RSU1: variants seen among roughly 807,000 people sequenced by gnomAD.
The protein encoded by RSU1 is rsu-1.
A neutral mutation model predicts 31.1 loss-of-function variants in RSU1; 26 were observed. The ratio of observed to expected loss-of-function variants is 0.84; its 90% CI spans 0.61 to 1.16. RSU1 has a LOEUF of 1.16. RSU1 is among the 50% of genes most tolerant of loss of function. The pLI, the probability that RSU1 is intolerant of heterozygous loss-of-function variation, is 0.00. For missense variants in RSU1, 320 were observed against 339.1 expected, an observed-to-expected ratio of 0.94 and a Z score of 0.44; for synonymous variants, 164 against 136.3, an observed-to-expected ratio of 1.20 and a Z score of -1.41.
At chr10:16,755,958 A>C (rs1391357393) in intron 4 of RSU1, among the ~76,000 whole-genome samples, 1 of 152,226 alleles carries the variant, frequency 6.6e-6, no homozygotes, top group Admixed American at 6.5e-5. Flanking sequence ...ACTGCTTTAC[A>C]CAAAAACTCA....
intron 8 of RSU1, among the ~76,000 whole-genome samples, chr10:16,594,139 A>AACC (rs1833563969): frequency 6.6e-6 from 1 of 152,250 alleles, no homozygotes; most frequent in African/African-American, 2.4e-5. Context: ...ATTCTGATTA[A>AACC]ACCAAATTAA....
At chr10:16,643,375 TAAAAAATTGGCTAG>T (rs1290285352) in intron 8 of RSU1, among the ~76,000 whole-genome samples, 3 of 152,200 alleles carry the variant, frequency 2.0e-5, no homozygotes, top group Admixed American at 2.0e-4. Context: ...GCTCATACAT[TAAAAAATTGGCTAG>T]ATTATTAACT....
intron 7 of RSU1, among the ~76,000 whole-genome samples, chr10:16,750,501 A>C (rs966246641): frequency 1.3e-5 from 2 of 152,232 alleles, no homozygotes; most frequent in African/African-American, 4.8e-5. Flanking sequence ...AAGCAAAATG[A>C]GTAAGATTTT....
chr10:16,678,465 GAT>G (rs1402964465), intron 8 of RSU1, among the ~76,000 whole-genome samples: 1 of 152,132 alleles, frequency 6.6e-6, no homozygotes, highest in Non-Finnish European at 1.5e-5. Flanking sequence ...TTTACGAGGT[GAT>G]ATCACCTTGA....
intron 4 of RSU1, among the ~76,000 whole-genome samples, chr10:16,759,888 A>G (rs528947642): frequency 7.2e-4 from 89 of 124,154 alleles, no homozygotes; most frequent in Non-Finnish European, 2.3e-4. Flanking sequence ...TGGATCACAC[A>G]TACAAGTGGC....
chr10:16,792,552 T>C (rs943331269), intron 2 of RSU1, among the ~76,000 whole-genome samples: 4 of 152,198 alleles, frequency 2.6e-5, no homozygotes, highest in South Asian at 2.1e-4. Flanking sequence ...ACACCTCTTG[T>C]GGTTTCAAAT....
At chr10:16,712,728 G>C (rs574653070) in intron 7 of RSU1, among the ~76,000 whole-genome samples, 1 of 151,974 alleles carries the variant, frequency 6.6e-6, no homozygotes, top group Non-Finnish European at 1.5e-5. Flanking sequence ...TCATACTAGA[G>C]GATTGAGAGA....
At chr10:16,809,795 T>C (rs1588551375) in intron 2 of RSU1, among the ~76,000 whole-genome samples, 1 of 152,112 alleles carries the variant, frequency 6.6e-6, no homozygotes, top group South Asian at 2.1e-4. Context: ...ATACCAATTG[T>C]AGCATTGGTT....
chr10:16,744,605 T>C (rs1836813566), intron 7 of RSU1, among the ~76,000 whole-genome samples: 1 of 152,122 alleles, frequency 6.6e-6, no homozygotes, highest in Non-Finnish European at 1.5e-5. Flanking sequence ...ATAAAGGATG[T>C]CAAAAAGAAA....
chr10:16,801,192 A>C (rs1564362900), intron 2 of RSU1, among the ~76,000 whole-genome samples: 1 of 152,090 alleles, frequency 6.6e-6, no homozygotes, highest in Non-Finnish European at 1.5e-5. Context: ...AACGGGATGG[A>C]GAAAGAGATA....
chr10:16,628,826 A>G (rs1006684912), intron 8 of RSU1, among the ~76,000 whole-genome samples: 49 of 152,030 alleles, frequency 3.2e-4, no homozygotes, highest in African/African-American at 1.2e-3. Flanking sequence ...CTTTTCGTTC[A>G]TTGTTTGACC....
At chr10:16,704,338 G>A (rs999532217) in intron 7 of RSU1, among the ~76,000 whole-genome samples, 1 of 152,130 alleles carries the variant, frequency 6.6e-6, no homozygotes, top group African/African-American at 2.4e-5. Context: ...ATCTTGCATG[G>A]AAGGCATTAT....
chr10:16,752,333 C>G (rs1336044352), intron 7 of RSU1, among the ~76,000 whole-genome samples: 2 of 152,154 alleles, frequency 1.3e-5, no homozygotes, highest in African/African-American at 4.8e-5. Flanking sequence ...ACAGGGGACA[C>G]TACAGCTGCA....
chr10:16,619,023 CTAAT>C (rs1834026889), intron 8 of RSU1, among the ~76,000 whole-genome samples: 1 of 152,120 alleles, frequency 6.6e-6, no homozygotes, highest in African/African-American at 2.4e-5. Context: ...CACCTGCTAC[CTAAT>C]AGAGTAGTTA....
intron 8 of RSU1, among the ~76,000 whole-genome samples, chr10:16,608,179 C>T (rs759796551): frequency 2.0e-5 from 3 of 152,198 alleles, no homozygotes; most frequent in Non-Finnish European, 2.9e-5. Context: ...CCTCCTCCAT[C>T]GCCCATGGAT....
chr10:16,807,448 G>C (rs1192745850), intron 2 of RSU1, among the ~76,000 whole-genome samples: 1 of 152,154 alleles, frequency 6.6e-6, no homozygotes, highest in Non-Finnish European at 1.5e-5. Context: ...CCCATACTTT[G>C]TAGTGTTTTA....
chr10:16,623,114 G>C (rs964365947), intron 8 of RSU1, among the ~76,000 whole-genome samples: 8 of 152,082 alleles, frequency 5.3e-5, no homozygotes, highest in African/African-American at 1.9e-4. Context: ...TGCTGAGTTT[G>C]GGGTACTAAT....
At chr10:16,764,033 A>G (rs1165050793) in intron 4 of RSU1, among the ~76,000 whole-genome samples, 1 of 152,194 alleles carries the variant, frequency 6.6e-6, no homozygotes, top group Non-Finnish European at 1.5e-5. Flanking sequence ...AATTTAACAC[A>G]GAGAGGAAAA....
intron 7 of RSU1, among the ~76,000 whole-genome samples, chr10:16,714,325 T>A (rs1403747387): frequency 1.3e-5 from 2 of 152,204 alleles, no homozygotes; most frequent in African/African-American, 2.4e-5. Flanking sequence ...GCTCTTGGGC[T>A]GGATGCCAGT....
Sources: allele counts gnomAD v4.1 joint callset (sites outside exome capture counted in the v4.1 genomes callset), GRCh38; gene constraint gnomAD v4.1.1; transcripts MANE v1.5; gene names NCBI Gene and HGNC (gene_info 2026-07-23, HGNC 2026-07-21).